Variants in LRTM3 observed in about 807,000 individuals in gnomAD.
LRTM3 encodes leucine-rich repeat transmembrane protein 3.
chr13:102,735,088 CTT>C, the LRTM3 span: 1 of 1,551,196 alleles, frequency 6.4e-7, no homozygotes, highest in Non-Finnish European at 8.7e-7. Flanking sequence ...TAGAAGGACT[CTT>C]AGACAACATG....
the LRTM3 span, chr13:102,746,175 G>A: frequency 6.4e-7 from 1 of 1,551,092 alleles, no homozygotes; most frequent in Non-Finnish European, 8.7e-7. Flanking sequence ...CCATTAATAT[G>A]TAGCTCCAGT....
chr13:102,742,245 C>T, the LRTM3 span: 1 of 1,550,440 alleles, frequency 6.4e-7, no homozygotes, highest in South Asian at 1.2e-5. Context: ...GTACCATACT[C>T]AAGCAGCTGG....
At chr13:102,735,237 C>A in the LRTM3 span, 1 of 1,551,286 alleles carries the variant, frequency 6.4e-7, no homozygotes, top group Middle Eastern at 1.7e-4. Context: ...GGATCCAGTA[C>A]ACTGGTCATA....
chr13:102,739,266 T>C, the LRTM3 span: 2 of 1,550,360 alleles, frequency 1.3e-6, no homozygotes. Context: ...TTCAAAGTGA[T>C]ACATTTGAGG....
the LRTM3 span, chr13:102,733,614 T>C: frequency 6.4e-7 from 1 of 1,551,228 alleles, no homozygotes; most frequent in African/African-American, 1.4e-5. Context: ...AGAAACGCAG[T>C]TAAAGTTTCT....
chr13:102,748,463 C>T, the LRTM3 span: 2 of 1,551,202 alleles, frequency 1.3e-6, no homozygotes, highest in Admixed American at 3.9e-5. Context: ...CCTTGGAAAG[C>T]ACCTTTGCGT....
At chr13:102,731,448 T>G in the LRTM3 span, 4 of 1,551,460 alleles carry the variant, frequency 2.6e-6, no homozygotes, top group Non-Finnish European at 2.6e-6. Context: ...AAATGACTAG[T>G]AAGCTTATTT....
At chr13:102,746,561 G>A in the LRTM3 span, 2 of 1,550,994 alleles carry the variant, frequency 1.3e-6, no homozygotes, top group Non-Finnish European at 1.7e-6. Context: ...GACACTGACT[G>A]TCTCTGAGAT....
chr13:102,734,114 A>T, the LRTM3 span: 24 of 1,551,366 alleles, frequency 1.5e-5, no homozygotes, highest in Non-Finnish European at 2.1e-5. Context: ...AATATTCAAC[A>T]CTAATTCCTT....
At chr13:102,747,026 G>A in the LRTM3 span, 3 of 1,551,162 alleles carry the variant, frequency 1.9e-6, no homozygotes, top group South Asian at 3.6e-5. Context: ...CTCTAGATGT[G>A]CATCAAGTCC....
the LRTM3 span, chr13:102,737,145 C>T: frequency 1.9e-6 from 3 of 1,551,092 alleles, no homozygotes; most frequent in South Asian, 3.6e-5. Context: ...ATTGTGCCTT[C>T]AGGTTGCATT....
At chr13:102,755,963 T>TA in the LRTM3 span, among the ~76,000 whole-genome samples, 949 of 93,078 alleles carry the variant, frequency 0.01, 16 homozygotes, top group African/African-American at 0.039. Flanking sequence ...ATATATATAT[T>TA]TTTTTTTTTT....
chr13:102,755,938 T>TAC, the LRTM3 span, among the ~76,000 whole-genome samples: 1 of 34,798 alleles, frequency 2.9e-5, no homozygotes, highest in Admixed American at 3.1e-4. Flanking sequence ...TGTGTATATA[T>TAC]ATACATATAT....
the LRTM3 span, chr13:102,740,659 T>C: frequency 6.5e-7 from 1 of 1,548,350 alleles, no homozygotes; most frequent in Non-Finnish European, 8.7e-7. Context: ...TAGCATCTAA[T>C]TTCTCTTGTT....
At chr13:102,747,528 A>G in the LRTM3 span, 8 of 1,550,842 alleles carry the variant, frequency 5.2e-6, no homozygotes, top group African/African-American at 8.2e-5. Flanking sequence ...TTATTGAAAG[A>G]CCCCAGGGCA....
At chr13:102,750,318 C>T in the LRTM3 span, 2 of 1,545,124 alleles carry the variant, frequency 1.3e-6, no homozygotes, top group South Asian at 1.2e-5. Context: ...AAAATTCTAT[C>T]TTCAAAGTTA....
At chr13:102,740,143 C>T in the LRTM3 span, 1 of 1,547,990 alleles carries the variant, frequency 6.5e-7, no homozygotes, top group Non-Finnish European at 8.7e-7. Flanking sequence ...CTATCTTCTT[C>T]CCAAGTCTTA....
chr13:102,747,777 A>G, the LRTM3 span: 1 of 1,551,144 alleles, frequency 6.4e-7, no homozygotes, highest in South Asian at 1.2e-5. Context: ...ATCATGGGGC[A>G]TGGACTATTC....
At chr13:102,734,435 C>T in the LRTM3 span, 1 of 1,551,334 alleles carries the variant, frequency 6.4e-7, no homozygotes, top group Non-Finnish European at 8.7e-7. Flanking sequence ...TTGAATCATA[C>T]CTGGTGGTTT....
Sources: gnomAD v4.1 joint callset for allele counts (sites outside exome capture counted in the v4.1 genomes callset) on GRCh38, gnomAD v4.1.1 for gene constraint, MANE v1.5 for transcripts, NCBI Gene and HGNC (gene_info 2026-07-23, HGNC 2026-07-21) for gene names.